The following PCDHGB3 variants were observed in gnomAD, a reference collection of about 807,000 sequenced individuals.
PCDHGB3 encodes the protein protocadherin gamma subfamily B, 3, also known as protocadherin gamma-B3.
PCDHGB3 carries 40 observed loss-of-function variants against 59.2 expected under a neutral mutation model. The observed-to-expected ratio is 0.68, with a 90% CI of 0.52 to 0.88. The LOEUF is 0.88. PCDHGB3 is among the 40% of genes least tolerant of loss of function. PCDHGB3 has a pLI of 0.00. For synonymous variants in PCDHGB3, 581 were observed against 503.6 expected, an observed-to-expected ratio of 1.15 and a Z score of -2.06; for missense variants, 1,309 against 1,187.9, an observed-to-expected ratio of 1.10 and a Z score of -1.50.
rs1434083091 is a variant in PCDHGB3 at position 141,450,833 on chromosome 5, T to TA, written c.2416-43974_2416-43973insA. 6.4e-3 allele frequency among the ~76,000 whole-genome samples: 943 copies of TA among 147,260 alleles called. 6 individuals carry two copies. The highest frequency in any genetic ancestry group is 0.014 in the Middle Eastern group (4 of 276). ...TTATTTAATATTATTATTATTATTT[T>TA]TTTTTTTTTGAGATGGGGTCTTGCT... is the stretch of plus-strand genomic sequence containing the variant. On this transcript the variant is annotated intron_variant, in intron 1 of 3. Coordinates refer to ENST00000576222, the MANE Select transcript of PCDHGB3 (RefSeq NM_018924.5).
chr5:141,464,053 T>C (rs111614367), intron 1 of PCDHGB3, among the ~76,000 whole-genome samples: 9,857 of 152,054 alleles, frequency 0.065, 668 homozygotes, highest in African/African-American at 0.17. Flanking sequence ...TCACCTGAGG[T>C]CAGGAGTTCA....
intron 1 of PCDHGB3, chr5:141,478,694 T>G: frequency 1.3e-6 from 2 of 1,550,598 alleles, no homozygotes; most frequent in Non-Finnish European, 1.7e-6. Context: ...TAGATCAAAG[T>G]TAGTGCCTTT....
In PCDHGB3 at chr5:141,491,942, C is replaced by A; in HGVS notation, c.2416-2865C>A. The A allele has an allele frequency of 8.9e-7, 1 of 1,122,490 alleles. No individual in the cohort carries two copies. The highest frequency in any genetic ancestry group is 1.2e-6 in the Non-Finnish European group (1 of 824,374). 69.5% of individuals were successfully genotyped at this position (1,122,490 alleles called of 1,614,324 possible). The stretch of plus-strand genomic sequence containing the variant: ...GGCGAGGGGAGGTGGGACCGACCCC[C>A]ACCCCTACACTCAAAAAAGGCCGGG... On this transcript the variant is annotated intron_variant, in intron 1 of 3. Transcript: ENST00000576222. The surrounding 1 kb of genome is among the most constrained non-coding windows in gnomAD (Gnocchi z 6.9).
At chr5:141,388,104 T>C in intron 1 of PCDHGB3, 1 of 1,386,112 alleles carries the variant, frequency 7.2e-7, no homozygotes, top group Non-Finnish European at 1.0e-6. Context: ...GGAGAAGCCT[T>C]ACTTCACCGT....
At chr5:141,427,938 G>A in intron 1 of PCDHGB3, 1 of 1,584,968 alleles carries the variant, frequency 6.3e-7, no homozygotes, top group South Asian at 1.1e-5. Context: ...GTTGGTGGGC[G>A]ACCTCAATGA....
intron 1 of PCDHGB3, chr5:141,376,580 C>G (rs1351878933): frequency 1.3e-6 from 2 of 1,589,974 alleles, no homozygotes; most frequent in South Asian, 1.1e-5. Flanking sequence ...ACAGGCTCAT[C>G]AGCTAGATCG....
intron 1 of PCDHGB3, among the ~76,000 whole-genome samples, chr5:141,465,396 C>A (rs2099102528): frequency 6.6e-6 from 1 of 152,054 alleles, no homozygotes; most frequent in Admixed American, 6.6e-5. Context: ...AAAAACAAGT[C>A]AGAAGAAGCC....
chr5:141,392,202 T>A (rs534571054), intron 1 of PCDHGB3: 1 of 152,352 alleles, frequency 6.6e-6, no homozygotes, highest in South Asian at 2.1e-4. Context: ...AGTCTCAAGA[T>A]AAATTCATTT....
Position 141,487,082 on chromosome 5 carries a change from G to A in PCDHGB3, c.2416-7725G>A, listed in dbSNP as rs2099639361. On this transcript the variant is annotated intron_variant, in intron 1 of 3. Transcript: ENST00000576222. The surrounding 1 kb of genome is among the most constrained non-coding windows in gnomAD (Gnocchi z 5.0). Reference sequence around the variant, plus strand: ...GCGGACGGCTGTTCCTATCCCAGCTGACCTCCCACCACAGAAGCTGGTCAT... The same window carrying A: ...GCGGACGGCTGTTCCTATCCCAGCTAACCTCCCACCACAGAAGCTGGTCAT... The A allele has an allele frequency of 8.1e-6, 13 of 1,614,056 alleles. No individual in the cohort carries two copies. The highest frequency in any genetic ancestry group is 1.1e-5 in the Non-Finnish European group (13 of 1,179,938).
At position 141,400,101 on chromosome 5, in the gene PCDHGB3, G is replaced by A. The variant is rs778391200; in HGVS notation, c.2415+27292G>A. The A allele has an allele frequency of 8.1e-6, 13 of 1,613,948 alleles. No homozygotes were observed. The East Asian group carries it at 2.9e-4, about 36-fold the overall frequency. ...TCTCCGCCACCGCCACGCTGCACTT[G>A]GTCTTTGCTGACAGCTTGCAGGAGG... On this transcript the variant is annotated intron_variant, in intron 1 of 3. Coordinates refer to ENST00000576222, the MANE Select transcript of PCDHGB3 (RefSeq NM_018924.5).
At chr5:141,418,436 G>A in intron 1 of PCDHGB3, 1 of 1,614,000 alleles carries the variant, frequency 6.2e-7, no homozygotes. Flanking sequence ...CAAATATCCA[G>A]AATTAGTATT....
chr5:141,431,767 T>C lies in PCDHGB3; in HGVS notation c.2415+58958T>C. The C allele has an allele frequency of 1.2e-6, 2 of 1,614,224 alleles. No homozygotes were observed. Among genetic ancestry groups the C allele is most frequent in the Non-Finnish European group, 1.7e-6 (2 of 1,180,034 alleles). ...CTGCGCGAGCCAAAGTCCTGATCAC[T>C]GTTCTGGACGTGAACGACAATGCCC... On this transcript the variant is annotated intron_variant, in intron 1 of 3. Coordinates refer to ENST00000576222, the MANE Select transcript of PCDHGB3 (RefSeq NM_018924.5). This position sits in a 1 kb window ranked among gnomAD's most constrained non-coding sequence, Gnocchi z 4.8.
chr5:141,395,063 G>A, intron 1 of PCDHGB3: 3 of 1,614,168 alleles, frequency 1.9e-6, no homozygotes, highest in Non-Finnish European at 2.5e-6. Flanking sequence ...AGGCTTTCCT[G>A]CAGACCTATT....
intron 2 of PCDHGB3, among the ~76,000 whole-genome samples, chr5:141,497,540 C>CTT (rs754207034): frequency 2.8e-4 from 38 of 134,912 alleles, no homozygotes; most frequent in African/African-American, 8.9e-4. Context: ...TGCAACAAAC[C>CTT]TTTTTTTTTT....
chr5:141,430,245 G>C (rs1000418420), intron 1 of PCDHGB3, among the ~76,000 whole-genome samples: 1 of 104,402 alleles, frequency 9.6e-6, no homozygotes, highest in African/African-American at 6.4e-5. Flanking sequence ...GAAACTCCTA[G>C]GGAGACATCT....
rs760790964 is a variant in PCDHGB3, at chr5:141,374,159, G to T, written c.2415+1350G>T. The T allele has an allele frequency of 2.7e-5, 44 of 1,612,170 alleles. No homozygotes were observed. Among genetic ancestry groups the T allele is most frequent in the Non-Finnish European group, 3.4e-5 (40 of 1,179,004 alleles). ...CACGCTCCTGGGGACGCTGTGGGGG[G>T]CCGCGGCAGCGCAGATCCGCTACTC... On this transcript the variant is annotated intron_variant, in intron 1 of 3. Transcript: ENST00000576222.
chr5:141,395,542 T>TTGTTTG lies in PCDHGB3; in HGVS notation c.2415+22736_2415+22737insTTGTGT, dbSNP rs1267535064. On this transcript the variant is annotated intron_variant, in intron 1 of 3. Coordinates refer to ENST00000576222, the MANE Select transcript of PCDHGB3 (RefSeq NM_018924.5). ...TCCATACTGGTAATTTTGCTATTGTTTGTGTGTGTGTGTGTGTGTGTGTGT... is the reference window on the plus strand; with the variant it reads ...TCCATACTGGTAATTTTGCTATTGTTTGTTTGTGTGTGTGTGTGTGTGTGTGTGTGT... 2.4e-3 allele frequency: 418 copies of TTGTTTG among 172,622 alleles called. 4 individuals carry two copies. The highest frequency in any genetic ancestry group is 0.019 in the African/African-American group (326 of 17,544). The allele number at this position is 172,622 out of a possible 1,614,324, so 10.7% of individuals were successfully genotyped here.
chr5:141,454,832 G>A (rs1311246854), intron 1 of PCDHGB3, among the ~76,000 whole-genome samples: 2 of 75,830 alleles, frequency 2.6e-5, no homozygotes, highest in African/African-American at 1.3e-4. Context: ...TTTTGAGACA[G>A]AGTCGCGCTC....
intron 1 of PCDHGB3, chr5:141,396,034 A>G (rs968115375): frequency 1.3e-5 from 2 of 152,256 alleles, no homozygotes; most frequent in African/African-American, 2.4e-5. Context: ...ATGTAAGAAC[A>G]TATTTCAATA....
Sources: allele counts gnomAD v4.1 joint callset (sites outside exome capture counted in the v4.1 genomes callset), GRCh38; gene constraint gnomAD v4.1.1; non-coding constraint Gnocchi (gnomAD v3.1); transcripts MANE v1.5; gene names NCBI Gene and HGNC (gene_info 2026-07-23, HGNC 2026-07-21).